The following GTF3C2 variants were observed in gnomAD, a reference collection of about 807,000 sequenced individuals.
The protein encoded by GTF3C2 is general transcription factor IIIC subunit 2.
A neutral mutation model predicts 117.4 loss-of-function variants in GTF3C2; 17 were observed. That is an observed-to-expected ratio of 0.14 (90% CI 0.10 to 0.22). The LOEUF (loss-of-function observed/expected upper bound fraction) is 0.22, where lower values mean the gene tolerates loss of function less well. Among genes scored for constraint, GTF3C2 ranks in the 10% least tolerant of loss-of-function variants. GTF3C2 has a pLI of 1.00. For missense variants in GTF3C2, 888 were observed against 1,143.6 expected, an observed-to-expected ratio of 0.78 and a Z score of 3.22; for synonymous variants, 437 against 427.0, an observed-to-expected ratio of 1.02 and a Z score of -0.29.
At chr2:27,327,438 C>A (rs1036551134) in intron 17 of GTF3C2, among the ~76,000 whole-genome samples, 154 bp from the exon 18 acceptor site, 6 of 151,914 alleles carry the variant, frequency 3.9e-5, no homozygotes, top group African/African-American at 1.2e-4. Flanking sequence ...TGATTCTCCG[C>A]CTCAGCCTCC....
intron 4 of GTF3C2, chr2:27,341,377 G>C (rs1173658328): frequency 6.5e-6 from 1 of 153,020 alleles, no homozygotes; most frequent in African/African-American, 2.4e-5. Flanking sequence ...CAAATTTTAT[G>C]TTATATACAT....
chr2:27,337,690 C>A, intron 5 of GTF3C2, 132 bp from the exon 6 acceptor site: 2 of 738,428 alleles, frequency 2.7e-6, no homozygotes, highest in South Asian at 1.5e-5. Context: ...CTCCAATTAG[C>A]TACCAAGCAC....
chr2:27,337,535 C>A (rs200400208), exon 6 of GTF3C2: 3 of 1,611,510 alleles, frequency 1.9e-6, no homozygotes, highest in Non-Finnish European at 2.5e-6. Context: ...AGCAAACTCC[C>A]AGTATGAATG....
At chr2:27,340,122 C>T (rs938931606) in intron 4 of GTF3C2, 1 of 151,876 alleles carries the variant, frequency 6.6e-6, no homozygotes, top group Non-Finnish European at 1.5e-5. Context: ...AAGCTGGAAA[C>T]TGCTATTCAA....
intron 4 of GTF3C2, chr2:27,339,928 A>C (rs1558618454): frequency 6.9e-6 from 1 of 145,364 alleles, no homozygotes; most frequent in Non-Finnish European, 1.5e-5. Flanking sequence ...CAGAGGTTGC[A>C]GTGAGATGAG....
chr2:27,330,987 C>T (rs996697389), intron 12 of GTF3C2, among the ~76,000 whole-genome samples: 16 of 151,908 alleles, frequency 1.1e-4, no homozygotes, highest in African/African-American at 3.6e-4. Context: ...GGTGTGGTGG[C>T]GCATGCCTGT....
chr2:27,351,483 C>A (rs1025210657), intron 1 of GTF3C2, among the ~76,000 whole-genome samples: 3 of 152,060 alleles, frequency 2.0e-5, no homozygotes, highest in African/African-American at 7.2e-5. Flanking sequence ...TCAACAAGCC[C>A]CTACCACAGC....
At chr2:27,337,816 C>T (rs896732159) in intron 5 of GTF3C2, 110 bp downstream of exon 5, 7 of 755,166 alleles carry the variant, frequency 9.3e-6, no homozygotes, top group African/African-American at 5.2e-5. Context: ...AATGTCATCA[C>T]GGTATTCCAC....
exon 19 of GTF3C2, chr2:27,326,095 A>C (rs1344952187): frequency 2.4e-6 from 1 of 415,468 alleles, no homozygotes; most frequent in Admixed American, 3.0e-5. Context: ...AGCAGGAGCA[A>C]GTAAGATCTG....
chr2:27,355,919 T>A (rs1022126240), intron 1 of GTF3C2, among the ~76,000 whole-genome samples: 11 of 152,222 alleles, frequency 7.2e-5, no homozygotes, highest in Admixed American at 3.3e-4. Flanking sequence ...CGGTTTCATT[T>A]ATATTGCTTA....
chr2:27,353,120 C>T (rs1243282497), intron 1 of GTF3C2, among the ~76,000 whole-genome samples: 1 of 152,152 alleles, frequency 6.6e-6, no homozygotes, highest in African/African-American at 2.4e-5. Context: ...AAAGGCCGGG[C>T]GCTGTGGCTC....
chr2:27,344,427 G>A (rs1180355180), intron 1 of GTF3C2, among the ~76,000 whole-genome samples: 1 of 152,128 alleles, frequency 6.6e-6, no homozygotes, highest in Non-Finnish European at 1.5e-5. Context: ...TTGTAAGGAT[G>A]AAGCAGTGAA....
intron 1 of GTF3C2, among the ~76,000 whole-genome samples, chr2:27,352,905 G>C (rs1273510326): frequency 6.6e-6 from 1 of 152,154 alleles, no homozygotes; most frequent in Non-Finnish European, 1.5e-5. Context: ...AATTCAACGA[G>C]CAGTAAAATT....
At chr2:27,356,486 C>A in intron 1 of GTF3C2, 1 of 232,930 alleles carries the variant, frequency 4.3e-6, no homozygotes, top group Non-Finnish European at 9.1e-6. Flanking sequence ...CAGGCTTCCG[C>A]GTTACCGACA....
At chr2:27,333,158 C>G (rs965836120) in intron 12 of GTF3C2, among the ~76,000 whole-genome samples, 2 of 130,174 alleles carry the variant, frequency 1.5e-5, no homozygotes, top group Non-Finnish European at 3.3e-5. Context: ...GGCATCTACT[C>G]TTTTTTTTTT....
chr2:27,328,332 A>C lies in GTF3C2; in HGVS notation c.2256+136T>G. The C allele has an allele frequency of 2.9e-6, 3 of 1,052,540 alleles. No homozygotes were observed. In the East Asian group the frequency reaches 7.1e-5, roughly 25 times the overall value. 65.2% of individuals were successfully genotyped at this position (1,052,540 alleles called of 1,614,324 possible). On this transcript the variant is annotated intron_variant, in intron 16 of 18. Coordinates refer to ENST00000264720, the Ensembl canonical transcript of GTF3C2. ...GCTCAGATGCAGTACGGTAGGGAAG[A>C]TTATATACAACTCTGTGCTAAGATT...
At chr2:27,343,221 A>G (rs1680798449) in intron 2 of GTF3C2, 74 bp from the exon 3 acceptor site, 1 of 1,523,644 alleles carries the variant, frequency 6.6e-7, no homozygotes, top group African/African-American at 1.4e-5. Flanking sequence ...CACTGTACCC[A>G]GGTTTGTAAG....
At position 27,355,821 on chromosome 2, in the gene GTF3C2, G is replaced by A. The variant is rs149497712; in HGVS notation, c.-25+918C>T. ...GGGTACAACTGGCGGTATGCAAGAT[G>A]ATTTTAATGGTACGAAAACGAACAT... On this transcript the variant is annotated intron_variant, in intron 1 of 18. Coordinates refer to ENST00000264720, the Ensembl canonical transcript of GTF3C2. Among the ~76,000 whole-genome samples, 7 of 152,244 alleles carry A rather than the reference G, an allele frequency of 4.6e-5. No homozygotes were observed. In the East Asian group the frequency reaches 1.2e-3, roughly 25 times the overall value.
chr2:27,326,653 A>G (rs904730376), exon 19 of GTF3C2: 11 of 1,585,092 alleles, frequency 6.9e-6, no homozygotes, highest in Non-Finnish European at 9.5e-6. Flanking sequence ...ACTTCACTCC[A>G]AGGATCTGGT....
Sources: allele counts gnomAD v4.1 joint callset (sites outside exome capture counted in the v4.1 genomes callset), GRCh38; gene constraint gnomAD v4.1.1; transcripts MANE v1.5; gene names NCBI Gene and HGNC (gene_info 2026-07-23, HGNC 2026-07-21).